The following ASS1 variants were observed in gnomAD, a reference collection of about 807,000 sequenced individuals.
The protein encoded by ASS1 is argininosuccinate synthase.
In ASS1, 58 loss-of-function variants were observed where a neutral mutation model predicts 60.5. That is an observed-to-expected ratio of 0.96 (90% CI 0.78 to 1.19). The LOEUF (loss-of-function observed/expected upper bound fraction) is 1.19. ASS1 is among the 50% of genes most tolerant of loss of function. ASS1 has a pLI of 0.00. For missense variants in ASS1, 454 were observed against 547.3 expected, an observed-to-expected ratio of 0.83 and a Z score of 1.70; for synonymous variants, 200 against 206.9, an observed-to-expected ratio of 0.97 and a Z score of 0.29.
chr9:130,473,649 A>G (rs551551795), intron 8 of ASS1, among the ~76,000 whole-genome samples: 17 of 152,218 alleles, frequency 1.1e-4, no homozygotes, highest in Admixed American at 3.9e-4. Context: ...CCTCGGGATG[A>G]GCTCAGGGGA....
intron 8 of ASS1, among the ~76,000 whole-genome samples, chr9:130,474,516 C>G (rs1367424749): frequency 6.6e-6 from 1 of 152,170 alleles, no homozygotes; most frequent in Admixed American, 6.5e-5. Context: ...GGCCCTCGTA[C>G]CGGCACCCTG....
At chr9:130,484,890 C>T (rs770845040) in intron 11 of ASS1, among the ~76,000 whole-genome samples, 4 of 152,174 alleles carry the variant, frequency 2.6e-5, no homozygotes, top group Non-Finnish European at 5.9e-5. Flanking sequence ...TCACAATTAA[C>T]ACTTTCGAAG....
At chr9:130,463,641 G>C (rs759968323) in intron 4 of ASS1, among the ~76,000 whole-genome samples, 2 of 152,182 alleles carry the variant, frequency 1.3e-5, no homozygotes, top group Non-Finnish European at 2.9e-5. Flanking sequence ...GAAGAGATGC[G>C]GAAACTGAGG....
chr9:130,455,945 C>T (rs903777932), intron 3 of ASS1, among the ~76,000 whole-genome samples: 1 of 152,312 alleles, frequency 6.6e-6, no homozygotes, highest in East Asian at 1.9e-4. Flanking sequence ...CTGTGCCTCC[C>T]GAGTGCTGGA....
rs914477323 is a variant in ASS1 at position 130,494,149 on chromosome 9, C to G, written c.971-718C>G. On this transcript the variant is annotated intron_variant, in intron 12 of 14. Transcript: ENST00000352480. This position sits in a 1 kb window ranked among gnomAD's most constrained non-coding sequence, Gnocchi z 4.3. The stretch of plus-strand genomic sequence containing the variant: ...GAGGATTCAGGGAGCTAGCCCAGAT[C>G]AAAGCCTGAGCGCAGTGCTGCTTAT... Among the ~76,000 whole-genome samples, 1 of 152,190 alleles carries G rather than the reference C, an allele frequency of 6.6e-6. No homozygotes were observed. Among genetic ancestry groups the G allele is most frequent in the African/African-American group, 2.4e-5 (1 of 41,440 alleles).
rs56807719 is a variant in ASS1, at chr9:130,496,593, T to TAAAAAAAA, written c.1127+1587_1127+1594dup. On this transcript the variant is annotated intron_variant, in intron 13 of 14. Transcript: ENST00000352480. ...GTAACAAAGCTAGGCACTGTCTCTTTAAAAAAAAAAAAAAAAAAAAAAAAG... is the reference window on the plus strand; with the variant it reads ...GTAACAAAGCTAGGCACTGTCTCTTTAAAAAAAAAAAAAAAAAAAAAAAAAAAAAAAAG... 2.8e-5 allele frequency among the ~76,000 whole-genome samples: 3 copies of TAAAAAAAA among 105,960 alleles called. No individual in the cohort carries two copies. The South Asian group carries it at 9.8e-4, about 35-fold the overall frequency. The allele number at this position is 105,960 out of a possible 152,430, so 69.5% of individuals were successfully genotyped here.
chr9:130,451,988 A>C, intron 1 of ASS1: 1 of 662,078 alleles, frequency 1.5e-6, no homozygotes. Flanking sequence ...CTAGGACTGC[A>C]GTCAGCATTC....
At chr9:130,447,076 C>T (rs1845212467) in intron 1 of ASS1, among the ~76,000 whole-genome samples, 1 of 152,216 alleles carries the variant, frequency 6.6e-6, no homozygotes, top group Non-Finnish European at 1.5e-5. Flanking sequence ...GGGAATCTTC[C>T]ACGGGGCAGT....
intron 8 of ASS1, among the ~76,000 whole-genome samples, chr9:130,472,043 T>C (rs1020461583): frequency 6.6e-6 from 1 of 152,094 alleles, no homozygotes; most frequent in African/African-American, 2.4e-5. Context: ...GTTTGAAGTT[T>C]CGGGTTTCTC....
rs1373020654 is a variant in ASS1, at chr9:130,494,530, C to A, written c.971-337C>A. Among the ~76,000 whole-genome samples, 1 of 152,240 alleles carries A rather than the reference C, an allele frequency of 6.6e-6. No homozygotes were observed. The highest frequency in any genetic ancestry group is 1.5e-5 in the Non-Finnish European group (1 of 68,042). On this transcript the variant is annotated intron_variant, in intron 12 of 14. Transcript: ENST00000352480. This position sits in a 1 kb window ranked among gnomAD's most constrained non-coding sequence, Gnocchi z 4.3. ...GCCTCCATTGGGCCAGGGATGGGGT[C>A]CCTTTACCACTGTGTCCCCAGTTGC...
intron 8 of ASS1, 134 bp downstream of exon 8, chr9:130,471,649 T>C: frequency 9.1e-7 from 1 of 1,099,912 alleles, no homozygotes; most frequent in Non-Finnish European, 1.4e-6. Flanking sequence ...GGCCGAGCCC[T>C]GCCTGTGTTC....
intron 3 of ASS1, among the ~76,000 whole-genome samples, chr9:130,454,916 ATTATCCATCCATCCAT>A (rs1433344813): frequency 1.4e-5 from 2 of 143,668 alleles, no homozygotes; most frequent in Non-Finnish European, 3.0e-5. Context: ...CCACCCATCC[ATTATCCATCCATCCAT>A]TCATCCATCC....
At chr9:130,458,259 A>T in intron 3 of ASS1, 142 bp from the exon 4 acceptor site, 1 of 860,760 alleles carries the variant, frequency 1.2e-6, no homozygotes, top group Non-Finnish European at 1.9e-6. Flanking sequence ...AATGATGTCT[A>T]CTACAGATGC....
At chr9:130,445,262 G>A (rs764453695) in intron 1 of ASS1, 35 of 952,710 alleles carry the variant, frequency 3.7e-5, no homozygotes, top group East Asian at 1.2e-4. Flanking sequence ...CCCCGGGTCC[G>A]AAGAGCGGCT....
rs1314822674 is a variant in ASS1 at position 130,489,061 on chromosome 9, A to T, written c.839-272A>T. ...GGGAGGGAGGGGTTGCTGCTCCGAA[A>T]CCCTGTCATTTTCTAGCGTCTGAGG... On this transcript the variant is annotated intron_variant, in intron 11 of 14. Coordinates refer to ENST00000352480, the MANE Select transcript of ASS1 (RefSeq NM_054012.4). The surrounding 1 kb of genome is among the most constrained non-coding windows in gnomAD (Gnocchi z 4.1). 6.6e-6 allele frequency among the ~76,000 whole-genome samples: 1 copy of T among 151,682 alleles called. No homozygotes were observed. Among genetic ancestry groups the T allele is most frequent in the Non-Finnish European group, 1.5e-5 (1 of 67,924 alleles).
intron 13 of ASS1, among the ~76,000 whole-genome samples, chr9:130,495,308 A>G (rs1846558247): frequency 6.6e-6 from 1 of 151,976 alleles, no homozygotes; most frequent in Admixed American, 6.6e-5. Flanking sequence ...ATTGGCTAGG[A>G]GGGGTGGTGC....
In ASS1 at chr9:130,459,438, G is replaced by GTT. The variant is rs1845530728; in HGVS notation, c.363+850_363+851insTT. Among the ~76,000 whole-genome samples, 2 of 151,988 alleles carry GTT rather than the reference G, an allele frequency of 1.3e-5. No individual in the cohort carries two copies. Among genetic ancestry groups the GTT allele is most frequent in the Admixed American group, 1.3e-4 (2 of 15,246 alleles). On this transcript the variant is annotated intron_variant, in intron 4 of 14. Coordinates refer to ENST00000352480, the MANE Select transcript of ASS1 (RefSeq NM_054012.4). The surrounding 1 kb of genome is among the most constrained non-coding windows in gnomAD (Gnocchi z 4.6). ...TAACTTGGTTACTTTTTGTGTGTGT[G>GTT]TGTGGGGGAGAGGGACAAAGTCTCA...
rs1465173093 is a variant in ASS1 at position 130,480,411 on chromosome 9, A to G, written c.800A>G (p.Asp267Gly). Reference protein sequence around the residue: ...VAGKHGVGRIDIVENRFIGMK... With the variant: ...VAGKHGVGRIGIVENRFIGMK... Reference sequence around the variant, plus strand: ...GGCAAGCATGGCGTGGGCCGTATTGACATCGTGGAGAACCGCTTCATTGGA... The same window carrying G: ...GGCAAGCATGGCGTGGGCCGTATTGGCATCGTGGAGAACCGCTTCATTGGA... Residue 267 changes from aspartate (D) to glycine (G), a missense_variant, in exon 11 of 15, where the codon GAC becomes GGC. By Grantham distance (94) the Asp-to-Gly change is moderately conservative (BLOSUM62 -1). Coordinates refer to ENST00000352480, the MANE Select transcript of ASS1 (RefSeq NM_054012.4). 2 of 1,614,178 alleles carry G rather than the reference A, an allele frequency of 1.2e-6. No individual in the cohort carries two copies. Among genetic ancestry groups the G allele is most frequent in the Non-Finnish European group, 1.7e-6 (2 of 1,180,032 alleles).
intron 1 of ASS1, among the ~76,000 whole-genome samples, chr9:130,447,573 TC>T (rs1254580225): frequency 1.3e-5 from 2 of 152,122 alleles, no homozygotes; most frequent in Non-Finnish European, 2.9e-5. Flanking sequence ...CCTTCCCTCC[TC>T]CCAGGTGTCT....
Sources: allele counts gnomAD v4.1 joint callset (sites outside exome capture counted in the v4.1 genomes callset), GRCh38; gene constraint gnomAD v4.1.1; non-coding constraint Gnocchi (gnomAD v3.1); transcripts MANE v1.5; gene names NCBI Gene and HGNC (gene_info 2026-07-23, HGNC 2026-07-21).